BBS9: variants seen among roughly 807,000 people sequenced by gnomAD.
The protein encoded by BBS9 is protein PTHB1.
In BBS9, 89 loss-of-function variants were observed where a neutral mutation model predicts 117.7. The ratio of observed to expected loss-of-function variants is 0.76; its 90% CI spans 0.64 to 0.90. The LOEUF (loss-of-function observed/expected upper bound fraction) is 0.90, where lower values mean the gene tolerates loss of function less well. Ranked by LOEUF, BBS9 falls within the 40% of genes least tolerant of loss-of-function variation. The pLI is 0.00. For missense variants in BBS9, 982 were observed against 1,042.2 expected (o/e 0.94, Z 0.80); for synonymous variants, 379 against 370.9 (o/e 1.02, Z -0.25).
At position 33,423,395 on chromosome 7, in the gene BBS9, G is replaced by GGTGT. The variant is rs142355079; in HGVS notation, c.2115+35268_2115+35271dup. Among the ~76,000 whole-genome samples the GGTGT allele has an allele frequency of 1.3e-3, 199 of 150,218 alleles. 2 individuals are homozygous for GGTGT. Among genetic ancestry groups the GGTGT allele is most frequent in the African/African-American group, 4.6e-3 (188 of 40,998 alleles). On this transcript the variant is annotated intron_variant, in intron 19 of 22. Transcript: ENST00000242067. ...TTAAAATGAAAATGTATACCTTGGG[G>GGTGT]GTGTGTGTGTGTGTGTGTGTTTCTA...
intron 19 of BBS9, among the ~76,000 whole-genome samples, chr7:33,394,775 A>G (rs1226375673): frequency 6.6e-6 from 1 of 152,212 alleles, no homozygotes; most frequent in Non-Finnish European, 1.5e-5. Context: ...ATAAAGTAGG[A>G]GAAAAGAAAG....
At chr7:33,198,393 A>G (rs935533846) in intron 5 of BBS9, among the ~76,000 whole-genome samples, 5 of 152,038 alleles carry the variant, frequency 3.3e-5, no homozygotes, top group Admixed American at 6.6e-5. Context: ...GGATTTGTAT[A>G]TTAAAAGTGC....
At chr7:33,634,921 C>A (rs1266876064) in intron 21 of BBS9, among the ~76,000 whole-genome samples, 1 of 152,224 alleles carries the variant, frequency 6.6e-6, no homozygotes, top group African/African-American at 2.4e-5. Flanking sequence ...CAGTGGACTC[C>A]TCACACATCC....
intron 5 of BBS9, among the ~76,000 whole-genome samples, chr7:33,248,824 T>C (rs769124785): frequency 9.2e-5 from 14 of 152,168 alleles, no homozygotes; most frequent in Non-Finnish European, 1.3e-4. Context: ...ATCAGTCTCT[T>C]GATGTTTCCT....
intron 18 of BBS9, among the ~76,000 whole-genome samples, chr7:33,384,303 G>A (rs142332337): frequency 3.3e-3 from 503 of 152,310 alleles, no homozygotes; most frequent in Non-Finnish European, 4.9e-3. Context: ...CTGGCACAGT[G>A]GGTGCTTACT....
chr7:33,598,509 A>G (rs1006128092), intron 21 of BBS9, among the ~76,000 whole-genome samples: 2 of 152,180 alleles, frequency 1.3e-5, no homozygotes, highest in Non-Finnish European at 2.9e-5. Context: ...GACTTTAGTT[A>G]ATAATAATGT....
intron 5 of BBS9, among the ~76,000 whole-genome samples, chr7:33,239,417 C>CTT (rs1202300139): frequency 6.8e-6 from 1 of 147,100 alleles, no homozygotes; most frequent in African/African-American, 2.5e-5. Context: ...ATCTTTTTAA[C>CTT]TTTTTTTTTT....
chr7:33,231,657 T>C lies in BBS9; in HGVS notation c.443-25579T>C, dbSNP rs188131447. ...TTTGGACCCTTTATTTTTAAAACTA[T>C]TTTAAAGAAGTAGGTAATTTAGATG... On this transcript the variant is annotated intron_variant, in intron 5 of 22. Transcript: ENST00000242067. 2.7e-3 allele frequency among the ~76,000 whole-genome samples: 415 copies of C among 152,222 alleles called. 1 individual carries two copies. The highest frequency in any genetic ancestry group is 9.7e-3 in the African/African-American group (404 of 41,552).
chr7:33,171,876 C>T (rs998088520), intron 4 of BBS9, among the ~76,000 whole-genome samples: 4 of 152,004 alleles, frequency 2.6e-5, no homozygotes, highest in Non-Finnish European at 4.4e-5. Context: ...TGCCAAGTAG[C>T]CTCATGGTAC....
At chr7:33,616,549 C>T (rs964572978) in intron 21 of BBS9, among the ~76,000 whole-genome samples, 9 of 145,146 alleles carry the variant, frequency 6.2e-5, no homozygotes, top group Admixed American at 3.5e-4. Flanking sequence ...ATATAAAATA[C>T]TCAATGAAAC....
chr7:33,517,833 A>G (rs538443350), intron 20 of BBS9, among the ~76,000 whole-genome samples: 1 of 152,314 alleles, frequency 6.6e-6, no homozygotes, highest in East Asian at 1.9e-4. Context: ...TGCTCCAAGT[A>G]TTCTCAATGA....
chr7:33,185,497 G>T (rs1300070848), intron 5 of BBS9, among the ~76,000 whole-genome samples: 7 of 152,066 alleles, frequency 4.6e-5, no homozygotes, highest in Non-Finnish European at 1.0e-4. Context: ...CTTAAATACT[G>T]TATAAATTGC....
intron 7 of BBS9, among the ~76,000 whole-genome samples, chr7:33,266,571 A>C (rs1430450407): frequency 6.6e-6 from 1 of 152,158 alleles, no homozygotes; most frequent in Non-Finnish European, 1.5e-5. Context: ...AGAGTGTTTC[A>C]TACATGTCAA....
chr7:33,154,257 T>G (rs948531554), intron 3 of BBS9, among the ~76,000 whole-genome samples: 9 of 152,216 alleles, frequency 5.9e-5, no homozygotes, highest in Non-Finnish European at 1.3e-4. Flanking sequence ...AACAATGTTT[T>G]GCAGATGTTA....
intron 21 of BBS9, among the ~76,000 whole-genome samples, chr7:33,621,541 C>T (rs765937350): frequency 1.2e-4 from 18 of 151,882 alleles, no homozygotes; most frequent in Non-Finnish European, 2.2e-4. Context: ...AAAGTGCTGG[C>T]GAGAAAGTGG....
chr7:33,416,610 C>T (rs1252310738), intron 19 of BBS9, among the ~76,000 whole-genome samples: 1 of 152,000 alleles, frequency 6.6e-6, no homozygotes, highest in Admixed American at 6.5e-5. Context: ...TGTGCCAGAC[C>T]ACTAAGCTGT....
chr7:33,542,699 A>ATATGTG (rs751531506), intron 21 of BBS9, among the ~76,000 whole-genome samples: 1 of 145,860 alleles, frequency 6.9e-6, no homozygotes, highest in Non-Finnish European at 1.5e-5. Context: ...CATTATATAT[A>ATATGTG]TGTGTGTGTG....
chr7:33,514,403 A>T (rs931645237), intron 20 of BBS9, among the ~76,000 whole-genome samples: 45 of 152,286 alleles, frequency 3.0e-4, no homozygotes, highest in African/African-American at 1.1e-3. Flanking sequence ...TGCCTTTCTC[A>T]TCAAGGGGTG....
At chr7:33,397,594 AAAG>A (rs1485211394) in intron 19 of BBS9, among the ~76,000 whole-genome samples, 1 of 152,184 alleles carries the variant, frequency 6.6e-6, no homozygotes, top group Non-Finnish European at 1.5e-5. Flanking sequence ...TAGAGTAGAT[AAAG>A]AAAATGTGGT....
Sources: allele counts gnomAD v4.1 joint callset (sites outside exome capture counted in the v4.1 genomes callset), GRCh38; gene constraint gnomAD v4.1.1; transcripts MANE v1.5; gene names NCBI Gene and HGNC (gene_info 2026-07-23, HGNC 2026-07-21).